Variants in F10 observed in about 807,000 individuals in gnomAD.
F10 encodes the protein Stuart-Prower factor.
A neutral mutation model predicts 37.1 loss-of-function variants in F10; 29 were observed. The observed-to-expected ratio is 0.78, with a 90% CI of 0.58 to 1.07. F10 has a LOEUF of 1.07. Ranked by LOEUF, F10 falls within the 50% of genes least tolerant of loss-of-function variation. F10 has a pLI of 0.00. For synonymous variants in F10, 262 were observed against 268.6 expected (o/e 0.98, Z 0.24); for missense variants, 539 against 667.9 (o/e 0.81, Z 2.13).
chr13:113,147,000 C>T lies in F10; in HGVS notation c.748-379C>T, dbSNP rs555183820. ...CCGTCGGGACACCAGGCAGGCACAC[C>T]GGTTGAGGCAGATGATGTTTCTGCA... On this transcript the variant is annotated intron_variant, in intron 6 of 7. Transcript: ENST00000375559. This position sits in a 1 kb window ranked among gnomAD's most constrained non-coding sequence, Gnocchi z 4.5. 2.6e-5 allele frequency among the ~76,000 whole-genome samples: 4 copies of T among 152,158 alleles called. No homozygotes were observed. The highest frequency in any genetic ancestry group is 4.4e-5 in the Non-Finnish European group (3 of 68,028).
At chr13:113,128,730 C>T (rs2036394214) in intron 1 of F10, 1 of 152,176 alleles carries the variant, frequency 6.6e-6, no homozygotes, top group East Asian at 1.9e-4. Context: ...TGTGGTGGTG[C>T]TTGCCTGTAG....
intron 7 of F10, among the ~76,000 whole-genome samples, chr13:113,148,058 G>A (rs2036598459): frequency 6.6e-6 from 1 of 152,094 alleles, no homozygotes; most frequent in South Asian, 2.1e-4. Context: ...GGCTGGGTGT[G>A]GTGGCTCATG....
chr13:113,143,723 CGCTGCCCCTCCG>C lies in F10; in HGVS notation c.503-126_503-115del. ...GACGTGGGGCCTCGCCCTGCAAGCC[CGCTGCCCCTCCG>C]GGTGCCCCTGCGCTCTGCCTCCCGG... On this transcript the variant is annotated intron_variant, in intron 5 of 7. Coordinates refer to ENST00000375559, the MANE Select transcript of F10 (RefSeq NM_000504.4). The surrounding 1 kb of genome is among the most constrained non-coding windows in gnomAD (Gnocchi z 6.8). 2 of 1,401,534 alleles carry C rather than the reference CGCTGCCCCTCCG, an allele frequency of 1.4e-6. No individual in the cohort carries two copies. The highest frequency in any genetic ancestry group is 1.9e-6 in the Non-Finnish European group (2 of 1,038,064). The allele number at this position is 1,401,534 out of a possible 1,614,324, so 86.8% of individuals were successfully genotyped here.
At chr13:113,140,467 C>G in intron 4 of F10, 3 of 469,076 alleles carry the variant, frequency 6.4e-6, no homozygotes, top group Admixed American at 4.7e-5. Context: ...CATTCCATTC[C>G]AAGTCCGCAG....
At chr13:113,134,153 CATT>C (rs1331821650) in intron 2 of F10, among the ~76,000 whole-genome samples, 2 of 152,126 alleles carry the variant, frequency 1.3e-5, no homozygotes, top group Non-Finnish European at 2.9e-5. Flanking sequence ...CCTAATTCAA[CATT>C]ATACTGGAAG....
chr13:113,144,880 A>G lies in F10; in HGVS notation c.747+785A>G, dbSNP rs1007733499. 7.3e-6 allele frequency among the ~76,000 whole-genome samples: 1 copy of G among 137,434 alleles called. No homozygotes were observed. The highest frequency in any genetic ancestry group is 1.5e-5 in the Non-Finnish European group (1 of 65,828). 90.2% of individuals were successfully genotyped at this position (137,434 alleles called of 152,430 possible). A position where few individuals can be genotyped will look rare whatever the true frequency, so the allele number is the denominator to read the frequency against. ...GGGCGCCCGCTACTTACGCCTGGCTAATTTTTTTTTTTTTTTGAGACGGAG... is the reference window on the plus strand; with the variant it reads ...GGGCGCCCGCTACTTACGCCTGGCTGATTTTTTTTTTTTTTTGAGACGGAG... On this transcript the variant is annotated intron_variant, in intron 6 of 7. Coordinates refer to ENST00000375559, the MANE Select transcript of F10 (RefSeq NM_000504.4). This position sits in a 1 kb window ranked among gnomAD's most constrained non-coding sequence, Gnocchi z 6.4.
At chr13:113,140,207 G>T (rs2036514542) in intron 4 of F10, among the ~76,000 whole-genome samples, 1 of 151,442 alleles carries the variant, frequency 6.6e-6, no homozygotes. Context: ...CCAAGTAGCT[G>T]GGACTATAGG....
intron 2 of F10, among the ~76,000 whole-genome samples, chr13:113,135,018 A>T (rs913269017): frequency 1.3e-5 from 2 of 152,126 alleles, no homozygotes; most frequent in Non-Finnish European, 2.9e-5. Flanking sequence ...AGGTGGGTGG[A>T]TCACCTAAGG....
At chr13:113,148,878 C>T (rs1427076721) in intron 7 of F10, 38 bp from the exon 8 acceptor site, 1 of 1,597,430 alleles carries the variant, frequency 6.3e-7, no homozygotes. Context: ...GAGCATGTCC[C>T]TGGCTGAGCT....
chr13:113,130,901 A>T (rs1288593578), intron 2 of F10: 1 of 152,260 alleles, frequency 6.6e-6, no homozygotes, highest in Non-Finnish European at 1.5e-5. Context: ...TCTAGGAAAC[A>T]CCAAGAAGGG....
chr13:113,122,846 C>T lies in F10; in HGVS notation c.-10C>T, dbSNP rs757542867. On this transcript the variant is annotated 5_prime_UTR_variant, in exon 1 of 8. Transcript: ENST00000375559. ...CCAGTGAGGACAGGGACACAGTACTCGGCCACACCATGGGGCGCCCACTGC... is the reference window on the plus strand; with the variant it reads ...CCAGTGAGGACAGGGACACAGTACTTGGCCACACCATGGGGCGCCCACTGC... 6.8e-6 allele frequency: 11 copies of T among 1,609,354 alleles called. No individual in the cohort carries two copies. The highest frequency in any genetic ancestry group is 4.4e-5 in the South Asian group (4 of 91,090).
intron 2 of F10, among the ~76,000 whole-genome samples, chr13:113,134,074 C>G (rs921855257): frequency 3.9e-5 from 6 of 152,116 alleles, no homozygotes; most frequent in Non-Finnish European, 7.4e-5. Context: ...TGATATTATA[C>G]TTAAAGGTGA....
chr13:113,130,868 G>C (rs1487288079), intron 2 of F10: 1 of 152,266 alleles, frequency 6.6e-6, no homozygotes, highest in African/African-American at 2.4e-5. Context: ...GCCTCAGGGA[G>C]ACGTACTCAG....
Position 113,149,011 on chromosome 13 carries a change from T to A in F10, c.961T>A (p.Phe321Ile), listed in dbSNP as rs750394448. ...HNRFTKETYD[F>I]DIAVLRLKTP... Reference sequence around the variant, plus strand: ...CCGGTTCACAAAGGAGACCTATGACTTCGACATCGCCGTGCTCCGGCTCAA... The same window carrying A: ...CCGGTTCACAAAGGAGACCTATGACATCGACATCGCCGTGCTCCGGCTCAA... The change falls in exon 8 of 8, where the codon TTC becomes ATC. Residue 321 changes from phenylalanine (F) to isoleucine (I), a missense_variant. Physicochemically the swap from Phe to Ile is conservative, Grantham distance 21. Around this residue, in one of 2 missense-constraint regions of F10, gnomAD observed 409 missense variants for 547.9 expected, o/e 0.75. Transcript: ENST00000375559. This position sits in a 1 kb window ranked among gnomAD's most constrained non-coding sequence, Gnocchi z 7.5. 3.1e-6 allele frequency: 5 copies of A among 1,613,272 alleles called. No individual in the cohort carries two copies. The highest frequency in any genetic ancestry group is 4.2e-6 in the Non-Finnish European group (5 of 1,180,010).
At position 113,144,216 on chromosome 13, in the gene F10, A is replaced by G. The variant is rs2036560069; in HGVS notation, c.747+121A>G. 4.7e-6 allele frequency: 7 copies of G among 1,486,920 alleles called. No individual in the cohort carries two copies. Among genetic ancestry groups the G allele is most frequent in the Non-Finnish European group, 5.5e-6 (6 of 1,095,344 alleles). 92.1% of individuals were successfully genotyped at this position (1,486,920 alleles called of 1,614,324 possible). On this transcript the variant is annotated intron_variant, in intron 6 of 7. Transcript: ENST00000375559. The surrounding 1 kb of genome is among the most constrained non-coding windows in gnomAD (Gnocchi z 6.4). ...GGAAGGAACTGTTCCGAACTAGGAC[A>G]GAGGGGCTCCGCCACCCAAGCCTGC...
At chr13:113,124,591 G>A (rs912314703) in intron 1 of F10, among the ~76,000 whole-genome samples, 4 of 152,220 alleles carry the variant, frequency 2.6e-5, no homozygotes, top group African/African-American at 9.7e-5. Flanking sequence ...GTCCCAGAAG[G>A]TCCCACTCAG....
In F10 at chr13:113,143,366, CT is replaced by C. The variant is rs554254571; in HGVS notation, c.503-477del. 3.9e-5 allele frequency among the ~76,000 whole-genome samples: 6 copies of C among 152,194 alleles called. No homozygotes were observed. In the South Asian group the frequency reaches 1.0e-3, roughly 26 times the overall value. Reference sequence around the variant, plus strand: ...GTGCGCCATTCCTTCTGCCTGAAAACTTTTTTTTCTTCAATGTTTCATTAGG... The same window carrying C: ...GTGCGCCATTCCTTCTGCCTGAAAACTTTTTTTCTTCAATGTTTCATTAGG... On this transcript the variant is annotated intron_variant, in intron 5 of 7. Coordinates refer to ENST00000375559, the MANE Select transcript of F10 (RefSeq NM_000504.4). This position sits in a 1 kb window ranked among gnomAD's most constrained non-coding sequence, Gnocchi z 6.8.
At chr13:113,134,950 T>G (rs754921925) in intron 2 of F10, among the ~76,000 whole-genome samples, 1 of 152,070 alleles carries the variant, frequency 6.6e-6, no homozygotes, top group African/African-American at 2.4e-5. Context: ...TATTAAGATA[T>G]CAATTTTCGG....
In F10 at chr13:113,141,576, T is replaced by G. The variant is rs184729625; in HGVS notation, c.502+526T>G. Among the ~76,000 whole-genome samples, 2 of 152,132 alleles carry G rather than the reference T, an allele frequency of 1.3e-5. No individual in the cohort carries two copies. Among genetic ancestry groups the G allele is most frequent in the East Asian group, 3.8e-4 (2 of 5,196 alleles). On this transcript the variant is annotated intron_variant, in intron 5 of 7. Transcript: ENST00000375559. This position sits in a 1 kb window ranked among gnomAD's most constrained non-coding sequence, Gnocchi z 5.4. ...TAGTTTTTCTTTTCCTTGATGAATG[T>G]GGACAACAGGCGGCCAGAGGGCAGT...
Sources: allele counts gnomAD v4.1 joint callset (sites outside exome capture counted in the v4.1 genomes callset), GRCh38; gene constraint gnomAD v4.1.1; regional missense constraint gnomAD v4.1.1; non-coding constraint Gnocchi (gnomAD v3.1); transcripts MANE v1.5; gene names NCBI Gene and HGNC (gene_info 2026-07-23, HGNC 2026-07-21).